AGBL4: variants seen among roughly 807,000 people sequenced by gnomAD.
AGBL4 encodes AGBL carboxypeptidase 4.
Under a neutral mutation model 66.4 loss-of-function variants are expected in AGBL4, and 58 were observed. That is an observed-to-expected ratio of 0.87 (90% CI 0.71 to 1.09). The LOEUF (loss-of-function observed/expected upper bound fraction) is 1.09. Ranked by LOEUF, AGBL4 falls within the 50% of genes least tolerant of loss-of-function variation. The probability of loss-of-function intolerance (pLI) is 0.00; values close to 1 mark genes in which losing one functional copy is unlikely to be tolerated. For synonymous variants in AGBL4, 234 were observed against 222.9 expected (o/e 1.05, Z -0.44); for missense variants, 579 against 631.0 (o/e 0.92, Z 0.88).
intron 2 of AGBL4, among the ~76,000 whole-genome samples, chr1:49,843,731 G>A (rs1265140490): frequency 6.6e-6 from 1 of 152,146 alleles, no homozygotes. Context: ...GGCATCTTGG[G>A]AAGCCACTAT....
intron 5 of AGBL4, among the ~76,000 whole-genome samples, chr1:48,884,392 T>A (rs1160006227): frequency 2.3e-5 from 1 of 43,188 alleles, no homozygotes; most frequent in Non-Finnish European, 1.4e-4. Flanking sequence ...GAGCCTGGAC[T>A]TTTTTTTTTT....
chr1:49,530,291 G>GT (rs1202677816), intron 3 of AGBL4, among the ~76,000 whole-genome samples: 29 of 45,918 alleles, frequency 6.3e-4, no homozygotes, highest in East Asian at 3.4e-3. Flanking sequence ...AACTCTATGA[G>GT]TTTTTTTTTA....
intron 6 of AGBL4, among the ~76,000 whole-genome samples, chr1:48,734,212 A>G (rs1309714596): frequency 2.0e-5 from 3 of 152,194 alleles, no homozygotes; most frequent in African/African-American, 7.2e-5. Context: ...CAGGCAAGGG[A>G]GGCAGCTATG....
intron 1 of AGBL4, among the ~76,000 whole-genome samples, chr1:49,874,500 G>A (rs1488193181): frequency 1.3e-5 from 2 of 151,978 alleles, no homozygotes; most frequent in Non-Finnish European, 2.9e-5. Flanking sequence ...AAGGGAAAGT[G>A]GCTATAATCC....
At chr1:49,403,988 A>C (rs2148615837) in intron 3 of AGBL4, among the ~76,000 whole-genome samples, 1 of 152,242 alleles carries the variant, frequency 6.6e-6, no homozygotes. Context: ...TTATCTGAGT[A>C]ACTTCCTTTA....
chr1:49,663,775 A>G (rs1196971803), intron 3 of AGBL4, among the ~76,000 whole-genome samples: 1 of 152,130 alleles, frequency 6.6e-6, no homozygotes, highest in Non-Finnish European at 1.5e-5. Context: ...ATAAGGAAAC[A>G]AAAAATACAA....
intron 3 of AGBL4, among the ~76,000 whole-genome samples, chr1:49,694,191 G>C (rs1249769753): frequency 2.0e-5 from 3 of 151,916 alleles, no homozygotes; most frequent in East Asian, 1.9e-4. Context: ...TAACGTTCTT[G>C]ACTAGATTAC....
chr1:49,692,380 A>C (rs951475280), intron 3 of AGBL4, among the ~76,000 whole-genome samples: 1 of 152,140 alleles, frequency 6.6e-6, no homozygotes. Context: ...GACCATGGCC[A>C]GGATGAAATT....
intron 2 of AGBL4, chr1:49,845,682 G>C: frequency 1.2e-6 from 2 of 1,603,916 alleles, no homozygotes; most frequent in Non-Finnish European, 1.7e-6. Flanking sequence ...GTGAGTCTGG[G>C]AAAGCCTTCA....
intron 2 of AGBL4, among the ~76,000 whole-genome samples, chr1:49,840,415 C>G (rs960022723): frequency 1.3e-5 from 2 of 151,966 alleles, no homozygotes; most frequent in Non-Finnish European, 1.5e-5. Context: ...AAAAATGAAC[C>G]CATGGTTTCA....
intron 3 of AGBL4, among the ~76,000 whole-genome samples, chr1:49,558,677 C>T (rs1407606031): frequency 2.6e-5 from 4 of 152,076 alleles, no homozygotes; most frequent in African/African-American, 9.7e-5. Context: ...TGTACAGCAC[C>T]TCTGGACCTG....
chr1:48,648,829 A>G (rs1390483181), intron 8 of AGBL4, among the ~76,000 whole-genome samples: 3 of 152,240 alleles, frequency 2.0e-5, no homozygotes, highest in African/African-American at 7.2e-5. Context: ...GCAGCTCATC[A>G]GGTTAAAGCA....
At chr1:48,752,010 C>T (rs188855365) in intron 6 of AGBL4, among the ~76,000 whole-genome samples, 1 of 152,196 alleles carries the variant, frequency 6.6e-6, no homozygotes, top group Non-Finnish European at 1.5e-5. Flanking sequence ...ACAAACTACT[C>T]CACTTCTTAT....
intron 3 of AGBL4, among the ~76,000 whole-genome samples, chr1:49,577,319 A>G (rs1445126010): frequency 6.6e-6 from 1 of 152,230 alleles, no homozygotes; most frequent in Non-Finnish European, 1.5e-5. Flanking sequence ...TAAAGTGGCC[A>G]TGGTGGCAAG....
At chr1:48,932,464 A>C (rs1338608686) in intron 5 of AGBL4, among the ~76,000 whole-genome samples, 1 of 152,184 alleles carries the variant, frequency 6.6e-6, no homozygotes, top group Non-Finnish European at 1.5e-5. Flanking sequence ...TTTGGCTGTC[A>C]AAAGACCAGA....
intron 4 of AGBL4, among the ~76,000 whole-genome samples, chr1:49,213,083 T>C (rs181481289): frequency 4.9e-4 from 74 of 152,266 alleles, no homozygotes; most frequent in South Asian, 1.0e-3. Context: ...ACTATGGCTT[T>C]GTCTATGCTG....
At chr1:48,593,573 A>G (rs542692839) in intron 9 of AGBL4, among the ~76,000 whole-genome samples, 1 of 152,148 alleles carries the variant, frequency 6.6e-6, no homozygotes, top group African/African-American at 2.4e-5. Context: ...AACACAGTGA[A>G]ACCCCATCTC....
intron 2 of AGBL4, among the ~76,000 whole-genome samples, chr1:49,832,217 A>G (rs962239435): frequency 6.6e-6 from 1 of 151,290 alleles, no homozygotes; most frequent in African/African-American, 2.4e-5. Context: ...TCATTGTTCA[A>G]TTCCCACCTA....
At chr1:49,337,722 A>G (rs564279462) in intron 3 of AGBL4, among the ~76,000 whole-genome samples, 2 of 152,314 alleles carry the variant, frequency 1.3e-5, no homozygotes, top group East Asian at 3.9e-4. Context: ...CTAGCTAGAA[A>G]CTGGATTATT....
Sources: allele counts gnomAD v4.1 joint callset (sites outside exome capture counted in the v4.1 genomes callset), GRCh38; gene constraint gnomAD v4.1.1; transcripts MANE v1.5; gene names NCBI Gene and HGNC (gene_info 2026-07-23, HGNC 2026-07-21).